The following PAK1 variants were observed in gnomAD, a reference collection of about 807,000 sequenced individuals.
PAK1 encodes the protein serine/threonine-protein kinase PAK 1.
A neutral mutation model predicts 67.4 loss-of-function variants in PAK1; 29 were observed. The ratio of observed to expected loss-of-function variants is 0.43; its 90% CI spans 0.32 to 0.59. PAK1 has a LOEUF of 0.59. PAK1 is among the 20% of genes least tolerant of loss of function. The pLI, the probability that PAK1 is intolerant of heterozygous loss-of-function variation, is 0.07. For missense variants in PAK1, 337 were observed against 670.7 expected, an observed-to-expected ratio of 0.50 and a Z score of 5.50; for synonymous variants, 223 against 237.4, an observed-to-expected ratio of 0.94 and a Z score of 0.56.
At chr11:77,331,295 A>C (rs1941447288) in intron 14 of PAK1, among the ~76,000 whole-genome samples, 1 of 152,236 alleles carries the variant, frequency 6.6e-6, no homozygotes, top group Admixed American at 6.5e-5. Context: ...GTATATACCC[A>C]AAGGATTATA....
chr11:77,397,321 G>A (rs1015538791), intron 1 of PAK1, among the ~76,000 whole-genome samples: 1 of 152,220 alleles, frequency 6.6e-6, no homozygotes, highest in Non-Finnish European at 1.5e-5. Flanking sequence ...CAGGATCACT[G>A]TGAGGTTTCA....
intron 1 of PAK1, among the ~76,000 whole-genome samples, chr11:77,438,247 CA>C (rs1956213744): frequency 6.6e-6 from 1 of 152,104 alleles, no homozygotes; most frequent in African/African-American, 2.4e-5. Flanking sequence ...AGAGGTGCCA[CA>C]CACTTTTAAA....
chr11:77,507,370 A>C, the PAK1 span, among the ~76,000 whole-genome samples: 2 of 152,218 alleles, frequency 1.3e-5, no homozygotes, highest in African/African-American at 4.8e-5. Flanking sequence ...GGACACTCAG[A>C]TTTTGAAGGT....
Position 77,322,413 on chromosome 11 carries a change from G to A in PAK1, c.*861C>T, listed in dbSNP as rs1269770537. ...AGCTCCTTATCCTAGGCAGAAAAAG[G>A]GGCTGAGTTCCTGAAACATCACACA... On this transcript the variant is annotated 3_prime_UTR_variant, in exon 15 of 15. Transcript: ENST00000356341. 5.1e-6 allele frequency: 1 copy of A among 195,688 alleles called. No homozygotes were observed. Among genetic ancestry groups the A allele is most frequent in the Non-Finnish European group, 1.1e-5 (1 of 94,192 alleles). 12.1% of individuals were successfully genotyped at this position (195,688 alleles called of 1,614,324 possible).
At chr11:77,358,151 T>C (rs1328233122) in intron 6 of PAK1, among the ~76,000 whole-genome samples, 1 of 149,432 alleles carries the variant, frequency 6.7e-6, no homozygotes, top group African/African-American at 2.5e-5. Flanking sequence ...GAGGTAGCCC[T>C]TTTTTTTTTC....
rs369878585 is a variant in PAK1 at position 77,385,664 on chromosome 11, T to C, written c.191-5670A>G. Among the ~76,000 whole-genome samples the C allele has an allele frequency of 5.3e-5, 8 of 152,196 alleles. No individual in the cohort carries two copies. In the South Asian group the frequency reaches 6.2e-4, roughly 12 times the overall value. On this transcript the variant is annotated intron_variant, in intron 2 of 14. Transcript: ENST00000356341. ...TGAGGTCAGGAGTTCAAGACCAGCC[T>C]GGCCAACATGGTGAAACCCCGCCTC...
At chr11:77,466,888 A>T (rs1203783086) in intron 1 of PAK1, among the ~76,000 whole-genome samples, 1 of 152,192 alleles carries the variant, frequency 6.6e-6, no homozygotes, top group Non-Finnish European at 1.5e-5. Flanking sequence ...GTTTTCTTCT[A>T]TCAAATGAAT....
the PAK1 span, among the ~76,000 whole-genome samples, chr11:77,480,518 A>G: frequency 1.5e-5 from 2 of 135,670 alleles, no homozygotes; most frequent in Non-Finnish European, 3.1e-5. Flanking sequence ...AGTAACCACC[A>G]TGGTTTTTTT....
chr11:77,505,130 T>C, the PAK1 span, among the ~76,000 whole-genome samples: 1 of 152,222 alleles, frequency 6.6e-6, no homozygotes, highest in Non-Finnish European at 1.5e-5. Context: ...TTTTTAAGTG[T>C]ACCATTCAGT....
intron 1 of PAK1, among the ~76,000 whole-genome samples, chr11:77,464,123 T>C (rs1037647693): frequency 6.6e-6 from 1 of 152,220 alleles, no homozygotes; most frequent in Non-Finnish European, 1.5e-5. Flanking sequence ...TTACAGTGCA[T>C]CTCTATGTGA....
intron 1 of PAK1, among the ~76,000 whole-genome samples, chr11:77,404,371 G>C (rs147242127): frequency 3.3e-5 from 5 of 151,918 alleles, no homozygotes; most frequent in African/African-American, 1.2e-4. Flanking sequence ...GGGTTCAAGT[G>C]ATTCTCCTGC....
chr11:77,385,238 A>T (rs901609089), intron 2 of PAK1, among the ~76,000 whole-genome samples: 2 of 152,246 alleles, frequency 1.3e-5, no homozygotes, highest in Non-Finnish European at 2.9e-5. Context: ...AAAAGAAGTA[A>T]AAGGAGAAGG....
At chr11:77,498,446 A>G in the PAK1 span, among the ~76,000 whole-genome samples, 2 of 152,004 alleles carry the variant, frequency 1.3e-5, no homozygotes, top group African/African-American at 4.8e-5. Context: ...GAATCATTGC[A>G]GTGATTTATA....
chr11:77,350,375 T>G (rs1355845014), intron 8 of PAK1, among the ~76,000 whole-genome samples: 1 of 152,166 alleles, frequency 6.6e-6, no homozygotes, highest in Non-Finnish European at 1.5e-5. Flanking sequence ...ATGTTAAGTA[T>G]ATACACATTC....
rs1945603357 is a variant in PAK1 at position 77,353,708 on chromosome 11, A to G, written c.773-109T>C. The G allele has an allele frequency of 6.2e-6, 5 of 804,200 alleles. No individual in the cohort carries two copies. In the African/African-American group the frequency reaches 8.7e-5, roughly 14 times the overall value. 49.8% of individuals were successfully genotyped at this position (804,200 alleles called of 1,614,324 possible). A position where few individuals can be genotyped will look rare whatever the true frequency, so the allele number is the denominator to read the frequency against. On this transcript the variant is annotated intron_variant, in intron 7 of 14. Coordinates refer to ENST00000356341, the MANE Select transcript of PAK1 (RefSeq NM_002576.5). ...TGGCAAGGGTTAAAGAACTACCTCCAATAGCCAAAAAGCATGCTAAACAGG... is the reference window on the plus strand; with the variant it reads ...TGGCAAGGGTTAAAGAACTACCTCCGATAGCCAAAAAGCATGCTAAACAGG...
Position 77,334,168 on chromosome 11 carries a change from C to CA in PAK1, c.1414-1302dup, listed in dbSNP as rs952305385. Among the ~76,000 whole-genome samples, 195 of 133,898 alleles carry CA rather than the reference C, an allele frequency of 1.5e-3. 2 individuals are homozygous for CA. Among genetic ancestry groups the CA allele is most frequent in the African/African-American group, 3.9e-3 (141 of 36,084 alleles). 87.8% of individuals were successfully genotyped at this position (133,898 alleles called of 152,430 possible). A position where few individuals can be genotyped will look rare whatever the true frequency, so the allele number is the denominator to read the frequency against. ...TAGGTGACAGAGTGAGACTCCATCT[C>CA]AAAAAAAAAAATAAAATAAAAATAA... On this transcript the variant is annotated intron_variant, in intron 13 of 14. Transcript: ENST00000356341.
chr11:77,379,766 C>A, intron 3 of PAK1, 128 bp downstream of exon 3: 1 of 681,760 alleles, frequency 1.5e-6, no homozygotes, highest in Non-Finnish European at 2.5e-6. Flanking sequence ...CACTCATGAA[C>A]GTGAGAAAAT....
At chr11:77,408,256 T>G (rs1427380742) in intron 1 of PAK1, 1 of 152,004 alleles carries the variant, frequency 6.6e-6, no homozygotes, top group Non-Finnish European at 1.5e-5. Flanking sequence ...TAGCATAGAG[T>G]AGATGGTTCA....
the PAK1 span, among the ~76,000 whole-genome samples, chr11:77,492,089 T>C: frequency 0.77 from 117,385 of 152,142 alleles, 46,214 homozygotes; most frequent in East Asian, 0.93. Flanking sequence ...TCAATCAACA[T>C]ATTTCACTCA....
Sources: gnomAD v4.1 joint callset for allele counts (sites outside exome capture counted in the v4.1 genomes callset) on GRCh38, gnomAD v4.1.1 for gene constraint, MANE v1.5 for transcripts, NCBI Gene and HGNC (gene_info 2026-07-23, HGNC 2026-07-21) for gene names.